The following RAB6D variants were observed in gnomAD, a reference collection of about 807,000 sequenced individuals.
RAB6D encodes the protein ras-related protein Rab-6D.
Under a neutral mutation model 17.5 loss-of-function variants are expected in RAB6D, and 11 were observed. The observed-to-expected ratio is 0.63, with a 90% CI of 0.39 to 1.04. The LOEUF is 1.04. RAB6D is among the 50% of genes least tolerant of loss of function. The pLI is 0.00. For missense variants in RAB6D, 163 were observed against 315.1 expected (o/e 0.52, Z 3.65); for synonymous variants, 68 against 122.6 (o/e 0.55, Z 2.94).
Position 131,362,776 on chromosome 2 carries a change from T to C in RAB6D, c.*180A>G, listed in dbSNP as rs1703439599. On this transcript the variant is annotated 3_prime_UTR_variant, in exon 1 of 1. Transcript: ENST00000623617. ...CTGCTCGTTAACCAAGCCATACTCA[T>C]ACTGTTGAGATTTCCATCATTTTGA... The C allele has an allele frequency of 6.3e-6, 4 of 639,924 alleles. No homozygotes were observed. The highest frequency in any genetic ancestry group is 4.2e-5 in the South Asian group (2 of 48,180). The allele number at this position is 639,924 out of a possible 1,614,324, so 39.6% of individuals were successfully genotyped here.
In RAB6D at chr2:131,363,402, A is replaced by G. The variant is rs779643684; in HGVS notation, c.319T>C (p.Trp107Arg). The change falls in exon 1 of 1, where the codon TGG becomes CGG. Residue 107 changes from tryptophan to arginine, a missense_variant. Around this residue, in one of 2 missense-constraint regions of RAB6D, gnomAD observed 144 missense variants for 244.4 expected, o/e 0.59. Coordinates refer to ENST00000623617, the MANE Select transcript of RAB6D (RefSeq NM_001077637.3). Reference protein sequence around the residue: ...NVNSFQQTTKWIDDVRTEGGS... With the variant: ...NVNSFQQTTKRIDDVRTEGGS... ...CCTTCTGTTCTGACATCATCAATCC[A>G]CTTTGTAGTTTGCTGGAATGAGTTA... is the stretch of plus-strand genomic sequence containing the variant. The G allele has an allele frequency of 6.2e-7, 1 of 1,613,046 alleles. No homozygotes were observed. The highest frequency in any genetic ancestry group is 1.3e-5 in the African/African-American group (1 of 74,418).
At position 131,363,984 on chromosome 2, in the gene RAB6D, G is replaced by A; in HGVS notation, c.-264C>T. On this transcript the variant is annotated 5_prime_UTR_variant, in exon 1 of 1. Transcript: ENST00000623617. ...AGGGCGGTGTCGGCAGGAGCCAGGGGTGTGCTTTGGCTTCCCAAGGCTAGG... is the reference window on the plus strand; with the variant it reads ...AGGGCGGTGTCGGCAGGAGCCAGGGATGTGCTTTGGCTTCCCAAGGCTAGG... 2 of 607,536 alleles carry A rather than the reference G, an allele frequency of 3.3e-6. No homozygotes were observed. The highest frequency in any genetic ancestry group is 6.0e-6 in the Non-Finnish European group (2 of 334,944). 37.6% of individuals were successfully genotyped at this position (607,536 alleles called of 1,614,324 possible). A position where few individuals can be genotyped will look rare whatever the true frequency, so the allele number is the denominator to read the frequency against.
rs964442418 is a variant in RAB6D, at chr2:131,361,792, A to G, written c.*1164T>C. 1 of 167,122 alleles carries G rather than the reference A, an allele frequency of 6.0e-6. No individual in the cohort carries two copies. The highest frequency in any genetic ancestry group is 1.5e-5 in the Non-Finnish European group (1 of 68,128). 10.4% of individuals were successfully genotyped at this position (167,122 alleles called of 1,614,324 possible). ...GTTAATTAAACTATACAGATCTCAT[A>G]CAAACGAAAACCAGCCTGAAAGACC... is the stretch of plus-strand genomic sequence containing the variant. On this transcript the variant is annotated 3_prime_UTR_variant, in exon 1 of 1. Transcript: ENST00000623617.
chr2:131,363,806 G>A lies in RAB6D; in HGVS notation c.-86C>T, dbSNP rs1217570275. On this transcript the variant is annotated 5_prime_UTR_variant, in exon 1 of 1. Transcript: ENST00000623617. ...CAGCCGGCTGACGAAAAAGGCGAGC[G>A]GAAGGGCGGGCGCCGAGCTCTCTGC... The A allele has an allele frequency of 1.1e-5, 11 of 981,464 alleles. No homozygotes were observed. The highest frequency in any genetic ancestry group is 1.6e-5 in the South Asian group (1 of 63,880). The allele number at this position is 981,464 out of a possible 1,614,324, so 60.8% of individuals were successfully genotyped here.
chr2:131,363,473 A>C lies in RAB6D; in HGVS notation c.248T>G (p.Ile83Ser), dbSNP rs555679720. The change falls in exon 1 of 1, where the codon ATC becomes AGC. Residue 83 changes from isoleucine (I) to serine (S), a missense_variant. Transcript: ENST00000623617. ...ERLRSLIPRYIRDSAAAVVVY... is the reference protein window; with the variant it reads ...ERLRSLIPRYSRDSAAAVVVY... ...TACTACAGCTGCAGCAGAATCACGGATGTACCTGGGAATGAGGCTACGGAG... is the reference window on the plus strand; with the variant it reads ...TACTACAGCTGCAGCAGAATCACGGCTGTACCTGGGAATGAGGCTACGGAG... The C allele has an allele frequency of 2.0e-5, 32 of 1,607,380 alleles. No individual in the cohort carries two copies. The highest frequency in any genetic ancestry group is 1.6e-4 in the East Asian group (7 of 44,604).
rs1261552715 is a variant in RAB6D, at chr2:131,363,265, AAACGT to A, written c.451_455del (p.Thr151TyrfsTer2). On this transcript the variant is annotated frameshift_variant, in exon 1 of 1. Transcript: ENST00000623617. LOFTEE classifies it high-confidence loss of function. ...ATCCAGCTTTTGCCCTAGTTTCAAT[AAACGT>A]AACATTCAGCCCTTTGGCTTTCCTC... The A allele has an allele frequency of 1.9e-6, 3 of 1,613,824 alleles. No individual in the cohort carries two copies. In the African/African-American group the frequency reaches 4.0e-5, roughly 22 times the overall value.
rs545262176 is a variant in RAB6D, at chr2:131,362,474, A to T, written c.*482T>A. 1.7e-5 allele frequency: 3 copies of T among 179,936 alleles called. No individual in the cohort carries two copies. Among genetic ancestry groups the T allele is most frequent in the African/African-American group, 7.2e-5 (3 of 41,556 alleles). The allele number at this position is 179,936 out of a possible 1,614,324, so 11.1% of individuals were successfully genotyped here. ...ACCAGGAGGCTTTTCTCATTCAAGC[A>T]CTGCCTACCGTGATCGCTGAATTCT... On this transcript the variant is annotated 3_prime_UTR_variant, in exon 1 of 1. Coordinates refer to ENST00000623617, the MANE Select transcript of RAB6D (RefSeq NM_001077637.3).
chr2:131,361,819 A>G lies in RAB6D; in HGVS notation c.*1137T>C, dbSNP rs989066226. ...AAACGAAAACCAGCCTGAAAGACCCAACCTTAAAAAAATGCTAAAAAATAA... is the reference window on the plus strand; with the variant it reads ...AAACGAAAACCAGCCTGAAAGACCCGACCTTAAAAAAATGCTAAAAAATAA... On this transcript the variant is annotated 3_prime_UTR_variant, in exon 1 of 1. Transcript: ENST00000623617. 7 of 167,246 alleles carry G rather than the reference A, an allele frequency of 4.2e-5. No homozygotes were observed. The highest frequency in any genetic ancestry group is 1.7e-4 in the African/African-American group (7 of 41,584). The allele number at this position is 167,246 out of a possible 1,614,324, so 10.4% of individuals were successfully genotyped here. A position where few individuals can be genotyped will look rare whatever the true frequency, so the allele number is the denominator to read the frequency against.
At position 131,360,838 on chromosome 2, in the gene RAB6D, T is replaced by C. The variant is rs1311941487; in HGVS notation, c.*2118A>G. ...GGTGGTAAAAAGGGAGATGGTCTAA[T>C]ATTTTCAACATTTTTTAATTTTTGT... On this transcript the variant is annotated 3_prime_UTR_variant, in exon 1 of 1. Transcript: ENST00000623617. Among the ~76,000 whole-genome samples, 5 of 152,182 alleles carry C rather than the reference T, an allele frequency of 3.3e-5. No homozygotes were observed. Among genetic ancestry groups the C allele is most frequent in the Non-Finnish European group, 7.3e-5 (5 of 68,032 alleles).
In RAB6D at chr2:131,360,710, T is replaced by C. The variant is rs1490095187; in HGVS notation, c.*2246A>G. ...AATATGAAAACATGAATAGACAATATATAATGCCTAATATTGGTAATCAGG... is the reference window on the plus strand; with the variant it reads ...AATATGAAAACATGAATAGACAATACATAATGCCTAATATTGGTAATCAGG... On this transcript the variant is annotated 3_prime_UTR_variant, in exon 1 of 1. Transcript: ENST00000623617. Among the ~76,000 whole-genome samples, 5 of 152,110 alleles carry C rather than the reference T, an allele frequency of 3.3e-5. No homozygotes were observed. The highest frequency in any genetic ancestry group is 2.6e-4 in the Admixed American group (4 of 15,270).
chr2:131,363,547 C>T lies in RAB6D; in HGVS notation c.174G>A (p.Glu58=), dbSNP rs754584495. The change falls in exon 1 of 1, where the codon GAG becomes GAA. Residue 58 remains glutamate, a synonymous_variant. Coordinates refer to ENST00000623617, the MANE Select transcript of RAB6D (RefSeq NM_001077637.3). The stretch of plus-strand genomic sequence containing the variant: ...ACAGCCGAAGCCCGATTGTTCCATC[C>T]TCCAAGTACATAGTTTTTGATAAAA... ...IDFLSKTMYL[E]DGTIGLRLWD... The T allele has an allele frequency of 1.3e-6, 2 of 1,588,836 alleles. No individual in the cohort carries two copies. Among genetic ancestry groups the T allele is most frequent in the Middle Eastern group, 1.7e-4 (1 of 6,012 alleles).
In RAB6D at chr2:131,362,740, C is replaced by G; in HGVS notation, c.*216G>C. 2 of 547,064 alleles carry G rather than the reference C, an allele frequency of 3.7e-6. No individual in the cohort carries two copies. The highest frequency in any genetic ancestry group is 6.7e-6 in the Non-Finnish European group (2 of 298,404). 33.9% of individuals were successfully genotyped at this position (547,064 alleles called of 1,614,324 possible). A position where few individuals can be genotyped will look rare whatever the true frequency, so the allele number is the denominator to read the frequency against. The stretch of plus-strand genomic sequence containing the variant: ...GAAGAGCAAGGAGAGATAAAGCAGG[C>G]TGTGAACATACTGCTCGTTAACCAA... On this transcript the variant is annotated 3_prime_UTR_variant, in exon 1 of 1. Transcript: ENST00000623617.
chr2:131,360,864 T>C lies in RAB6D; in HGVS notation c.*2092A>G, dbSNP rs1304602816. Among the ~76,000 whole-genome samples, 8 of 152,308 alleles carry C rather than the reference T, an allele frequency of 5.3e-5. No homozygotes were observed. The East Asian group carries it at 1.5e-3, about 29-fold the overall frequency. On this transcript the variant is annotated 3_prime_UTR_variant, in exon 1 of 1. Transcript: ENST00000623617. ...ATTTTCAACATTTTTTAATTTTTGT[T>C]TTGTGTTTTATTTATATATTTTTGG... is the stretch of plus-strand genomic sequence containing the variant.
At position 131,364,146 on chromosome 2, in the gene RAB6D, A is replaced by C; in HGVS notation, c.-426T>G. On this transcript the variant is annotated 5_prime_UTR_variant, in exon 1 of 1. Transcript: ENST00000623617. ...CCCCAGCCGCCGCCGCCGCAGCCCA[A>C]CCTGCTGAGTGCGCGAGCCTCTGGC... 1 of 55,026 alleles carries C rather than the reference A, an allele frequency of 1.8e-5. No homozygotes were observed. Among genetic ancestry groups the C allele is most frequent in the Non-Finnish European group, 4.5e-5 (1 of 22,250 alleles). 3.4% of individuals were successfully genotyped at this position (55,026 alleles called of 1,614,324 possible). A position where few individuals can be genotyped will look rare whatever the true frequency, so the allele number is the denominator to read the frequency against.
Position 131,361,806 on chromosome 2 carries a change from G to A in RAB6D, c.*1150C>T, listed in dbSNP as rs1703428369. On this transcript the variant is annotated 3_prime_UTR_variant, in exon 1 of 1. Coordinates refer to ENST00000623617, the MANE Select transcript of RAB6D (RefSeq NM_001077637.3). ...ACAGATCTCATACAAACGAAAACCA[G>A]CCTGAAAGACCCAACCTTAAAAAAA... 1 of 166,794 alleles carries A rather than the reference G, an allele frequency of 6.0e-6. No individual in the cohort carries two copies. The highest frequency in any genetic ancestry group is 1.5e-5 in the Non-Finnish European group (1 of 68,076). The allele number at this position is 166,794 out of a possible 1,614,324, so 10.3% of individuals were successfully genotyped here.
At position 131,363,833 on chromosome 2, in the gene RAB6D, C is replaced by T; in HGVS notation, c.-113G>A. On this transcript the variant is annotated 5_prime_UTR_variant, in exon 1 of 1. Transcript: ENST00000623617. ...AAGGGCGGGCGCCGAGCTCTCTGCG[C>T]CCCTGCAAGGGCCGGTGGAGGAGCC... 5.0e-6 allele frequency: 6 copies of T among 1,197,766 alleles called. No homozygotes were observed. The highest frequency in any genetic ancestry group is 7.0e-6 in the Non-Finnish European group (6 of 858,096). The allele number at this position is 1,197,766 out of a possible 1,614,324, so 74.2% of individuals were successfully genotyped here.
rs1047331616 is a variant in RAB6D, at chr2:131,363,922, C to A, written c.-202G>T. ...CGCCGCCGCCTCCCGGCAGAGTAGCCGAGCACCGAGCGAGGCCCGCGGCTG... is the reference window on the plus strand; with the variant it reads ...CGCCGCCGCCTCCCGGCAGAGTAGCAGAGCACCGAGCGAGGCCCGCGGCTG... On this transcript the variant is annotated 5_prime_UTR_variant, in exon 1 of 1. Coordinates refer to ENST00000623617, the MANE Select transcript of RAB6D (RefSeq NM_001077637.3). The A allele has an allele frequency of 5.4e-6, 5 of 931,310 alleles. No homozygotes were observed. The highest frequency in any genetic ancestry group is 3.4e-4 in the Middle Eastern group (1 of 2,940). The allele number at this position is 931,310 out of a possible 1,614,324, so 57.7% of individuals were successfully genotyped here.
chr2:131,363,086 A>G lies in RAB6D; in HGVS notation c.635T>C (p.Met212Thr), dbSNP rs1261741720. The G allele has an allele frequency of 6.2e-7, 1 of 1,607,594 alleles. No individual in the cohort carries two copies. The highest frequency in any genetic ancestry group is 1.3e-5 in the African/African-American group (1 of 74,142). The change falls in exon 1 of 1, where the codon ATG becomes ACG. Residue 212 changes from methionine (M) to threonine (T), a missense_variant. Physicochemically the swap from Met to Thr is moderately conservative, Grantham distance 81. Coordinates refer to ENST00000623617, the MANE Select transcript of RAB6D (RefSeq NM_001077637.3). ...CTTCTGAGGAAGGGTTGAAGATGACATGGGAGAGTAGCAGGAACAACCCCC... is the reference window on the plus strand; with the variant it reads ...CTTCTGAGGAAGGGTTGAAGATGACGTGGGAGAGTAGCAGGAACAACCCCC... Reference protein sequence around the residue: ...SEGGCSCYSPMSSSTLPQKPP... With the variant: ...SEGGCSCYSPTSSSTLPQKPP...
In RAB6D at chr2:131,364,110, C is replaced by G; in HGVS notation, c.-390G>C. 1 of 253,524 alleles carries G rather than the reference C, an allele frequency of 3.9e-6. No individual in the cohort carries two copies. The highest frequency in any genetic ancestry group is 8.1e-6 in the Non-Finnish European group (1 of 123,474). The allele number at this position is 253,524 out of a possible 1,614,324, so 15.7% of individuals were successfully genotyped here. A position where few individuals can be genotyped will look rare whatever the true frequency, so the allele number is the denominator to read the frequency against. On this transcript the variant is annotated 5_prime_UTR_variant, in exon 1 of 1. Coordinates refer to ENST00000623617, the MANE Select transcript of RAB6D (RefSeq NM_001077637.3). Reference sequence around the variant, plus strand: ...CGTATCTGGGATCTCTCACGCGCGGCGCTTCGGCTTCCCCAGCCGCCGCCG... The same window carrying G: ...CGTATCTGGGATCTCTCACGCGCGGGGCTTCGGCTTCCCCAGCCGCCGCCG...
Sources: gnomAD v4.1 joint callset for allele counts (sites outside exome capture counted in the v4.1 genomes callset) on GRCh38, gnomAD v4.1.1 for gene constraint, gnomAD v4.1.1 regional missense constraint, MANE v1.5 for transcripts, NCBI Gene and HGNC (gene_info 2026-07-23, HGNC 2026-07-21) for gene names.